Variants in TAF4B observed in about 807,000 individuals in gnomAD.
TAF4B encodes TATA-box binding protein associated factor 4b.
A neutral mutation model predicts 86.4 loss-of-function variants in TAF4B; 38 were observed. The observed-to-expected ratio is 0.44, with a 90% confidence interval of 0.34 to 0.58. The LOEUF is 0.58. Among genes scored for constraint, TAF4B ranks in the 20% least tolerant of loss-of-function variants. The pLI is 0.02. For synonymous variants in TAF4B, 388 were observed against 391.2 expected, an observed-to-expected ratio of 0.99 and a Z score of 0.10; for missense variants, 988 against 1,027.6, an observed-to-expected ratio of 0.96 and a Z score of 0.53.
At chr18:26,328,549 A>T (rs2057025148) in intron 12 of TAF4B, among the ~76,000 whole-genome samples, 1 of 152,064 alleles carries the variant, frequency 6.6e-6, no homozygotes, top group Non-Finnish European at 1.5e-5. Flanking sequence ...TGTACAAAGT[A>T]CTCTCAGTCC....
At chr18:26,331,962 C>G (rs900531853) in intron 12 of TAF4B, among the ~76,000 whole-genome samples, 13 of 152,172 alleles carry the variant, frequency 8.5e-5, no homozygotes, top group African/African-American at 3.1e-4. Flanking sequence ...TATTGTTTGG[C>G]ACCCACCTAC....
At chr18:26,367,273 T>C (rs1006766136) in intron 14 of TAF4B, among the ~76,000 whole-genome samples, 3 of 152,100 alleles carry the variant, frequency 2.0e-5, no homozygotes, top group African/African-American at 7.2e-5. Context: ...GGTAAGTTGG[T>C]GGTATAATTC....
intron 1 of TAF4B, among the ~76,000 whole-genome samples, chr18:26,231,260 C>T (rs1240264851): frequency 6.7e-6 from 1 of 149,246 alleles, no homozygotes; most frequent in African/African-American, 2.5e-5. Flanking sequence ...TCAGGCTGGT[C>T]TTGAACTCCC....
At chr18:26,310,243 A>AT (rs925750153) in intron 9 of TAF4B, among the ~76,000 whole-genome samples, 11 of 152,158 alleles carry the variant, frequency 7.2e-5, no homozygotes, top group African/African-American at 2.7e-4. Flanking sequence ...TATCATGATC[A>AT]TTTAAGTGTG....
intron 14 of TAF4B, among the ~76,000 whole-genome samples, chr18:26,365,812 TG>T (rs2057367695): frequency 1.3e-5 from 2 of 152,246 alleles, no homozygotes; most frequent in African/African-American, 4.8e-5. Context: ...TGTTTTGAGA[TG>T]GGGTCTTGCT....
At position 26,391,383 on chromosome 18, in the gene TAF4B, CG is replaced by C. The variant is rs1299209527; in HGVS notation, c.*1372del. 6.7e-6 allele frequency: 1 copy of C among 149,998 alleles called. No individual in the cohort carries two copies. The highest frequency in any genetic ancestry group is 2.4e-5 in the African/African-American group (1 of 40,852). The allele number at this position is 149,998 out of a possible 1,614,324, so 9.3% of individuals were successfully genotyped here. On this transcript the variant is annotated 3_prime_UTR_variant, in exon 15 of 15. Coordinates refer to ENST00000269142, the MANE Select transcript of TAF4B (RefSeq NM_005640.3). ...GAAGGAAAAAAAAAAAAACACCTCACGTATGTTATTCTTCATCCTGTTCTTC... is the reference window on the plus strand; with the variant it reads ...GAAGGAAAAAAAAAAAAACACCTCACTATGTTATTCTTCATCCTGTTCTTC...
chr18:26,294,349 T>C (rs1193419682), intron 9 of TAF4B, among the ~76,000 whole-genome samples: 1 of 151,980 alleles, frequency 6.6e-6, no homozygotes, highest in Non-Finnish European at 1.5e-5. Context: ...ATTATTGTGG[T>C]TTTAGTTTGC....
chr18:26,310,454 A>G (rs894926510), intron 9 of TAF4B, among the ~76,000 whole-genome samples: 1 of 152,206 alleles, frequency 6.6e-6, no homozygotes, highest in Non-Finnish European at 1.5e-5. Context: ...GGAAATTCCC[A>G]TGAGAAAAAC....
At chr18:26,332,657 G>A (rs543836347) in intron 12 of TAF4B, among the ~76,000 whole-genome samples, 183 of 152,154 alleles carry the variant, frequency 1.2e-3, no homozygotes, top group African/African-American at 4.1e-3. Context: ...AGCCTCCTAA[G>A]TAGCTGGGAT....
At chr18:26,237,963 C>T (rs759372163) in intron 1 of TAF4B, among the ~76,000 whole-genome samples, 3 of 152,050 alleles carry the variant, frequency 2.0e-5, no homozygotes, top group Non-Finnish European at 2.9e-5. Context: ...TTACCCCTGC[C>T]GAAGAACCTG....
chr18:26,267,601 T>C lies in TAF4B; in HGVS notation c.575T>C (p.Val192Ala), dbSNP rs774763272. The change falls in exon 3 of 15, where the codon GTT (valine) becomes GCT (alanine). Residue 192 changes from valine to alanine, a missense_variant. This residue lies in a region of TAF4B where 747 missense variants were observed against 737.9 expected (regional missense o/e 1.01). Transcript: ENST00000269142. ...ATAGGAACTACTGTGGTAACCACTG[T>C]TCCGAAGCCTTCCTCAGTACAAGTA... ...AQIGTTVVTT[V>A]PKPSSVQSVA... The C allele has an allele frequency of 1.8e-5, 29 of 1,613,670 alleles. No homozygotes were observed. In the East Asian group the frequency reaches 6.2e-4, roughly 35 times the overall value.
intron 12 of TAF4B, 101 bp from the exon 13 acceptor site, chr18:26,335,074 A>G (rs1012369829): frequency 1.2e-6 from 1 of 854,196 alleles, no homozygotes; most frequent in East Asian, 2.7e-5. Context: ...GAGCTAAGAT[A>G]TTCAATCACA....
chr18:26,291,112 C>T (rs1299852054), intron 7 of TAF4B, among the ~76,000 whole-genome samples: 1 of 152,140 alleles, frequency 6.6e-6, no homozygotes, highest in Non-Finnish European at 1.5e-5. Context: ...AAGTAATACA[C>T]ATAAGTTGAA....
chr18:26,271,275 T>G (rs758013518), intron 3 of TAF4B, among the ~76,000 whole-genome samples: 7 of 152,242 alleles, frequency 4.6e-5, no homozygotes, highest in Non-Finnish European at 1.0e-4. Context: ...AGAAATCTTG[T>G]GTTCACTTTT....
intron 6 of TAF4B, among the ~76,000 whole-genome samples, chr18:26,284,866 C>T (rs1271349636): frequency 1.3e-5 from 2 of 152,108 alleles, no homozygotes; most frequent in African/African-American, 2.4e-5. Flanking sequence ...GAGACTCCGT[C>T]TCAATAAGAA....
chr18:26,263,396 C>G (rs2056196535), intron 1 of TAF4B, among the ~76,000 whole-genome samples: 2 of 152,172 alleles, frequency 1.3e-5, no homozygotes, highest in Admixed American at 1.3e-4. Context: ...ACACGTTTCT[C>G]TAACCCTTGG....
chr18:26,308,689 A>G (rs1305097653), intron 9 of TAF4B, among the ~76,000 whole-genome samples: 5 of 151,950 alleles, frequency 3.3e-5, no homozygotes, highest in Admixed American at 3.3e-4. Flanking sequence ...CCTGGCCAAC[A>G]TGGTGAAACC....
intron 3 of TAF4B, among the ~76,000 whole-genome samples, chr18:26,272,165 C>A (rs368708344): frequency 3.9e-5 from 6 of 152,086 alleles, no homozygotes; most frequent in African/African-American, 1.2e-4. Flanking sequence ...GTGGGGGATT[C>A]TTCTGGAACC....
chr18:26,377,262 C>A (rs1031907154), intron 14 of TAF4B, among the ~76,000 whole-genome samples: 5 of 152,134 alleles, frequency 3.3e-5, no homozygotes, highest in Non-Finnish European at 7.4e-5. Flanking sequence ...GTTAATTCTT[C>A]TTTAAATGTT....
Sources: gnomAD v4.1 joint callset for allele counts (sites outside exome capture counted in the v4.1 genomes callset) on GRCh38, gnomAD v4.1.1 for gene constraint, gnomAD v4.1.1 regional missense constraint, MANE v1.5 for transcripts, NCBI Gene and HGNC (gene_info 2026-07-23, HGNC 2026-07-21) for gene names.